The following KIF25 variants were observed in gnomAD, a reference collection of about 807,000 sequenced individuals.
KIF25 encodes the protein kinesin family member 25.
In KIF25, 19 loss-of-function variants were observed where a neutral mutation model predicts 32.9. The ratio of observed to expected loss-of-function variants is 0.58; its 90% confidence interval spans 0.40 to 0.85. KIF25 has a LOEUF of 0.85. Ranked by LOEUF, KIF25 falls within the 40% of genes least tolerant of loss-of-function variation. The pLI is 0.00. For missense variants in KIF25, 485 were observed against 507.0 expected (o/e 0.96, Z 0.42); for synonymous variants, 225 against 213.7 (o/e 1.05, Z -0.46).
chr6:168,008,564 T>C (rs987204804), intron 4 of KIF25, among the ~76,000 whole-genome samples: 4 of 152,220 alleles, frequency 2.6e-5, no homozygotes, highest in African/African-American at 9.6e-5. Context: ...TTGGAATCTT[T>C]TGTGGTTCCA....
intron 10 of KIF25, 103 bp downstream of exon 10, chr6:168,040,319 A>G: frequency 6.9e-6 from 8 of 1,159,682 alleles, no homozygotes; most frequent in Non-Finnish European, 9.4e-6. Context: ...TAATCCCAGC[A>G]CTTTGGGAGA....
chr6:168,044,227 C>T lies in KIF25; in HGVS notation c.986-600C>T, dbSNP rs980957215. ...TCCAGAGGGTGAGGGGTGCTAGTGACCGGCTGCTGACCCTCCCGGAGGGTG... is the reference window on the plus strand; with the variant it reads ...TCCAGAGGGTGAGGGGTGCTAGTGATCGGCTGCTGACCCTCCCGGAGGGTG... On this transcript the variant is annotated intron_variant, in intron 12 of 12. Coordinates refer to ENST00000643607, the MANE Select transcript of KIF25 (RefSeq NM_030615.4). 2.2e-5 allele frequency among the ~76,000 whole-genome samples: 3 copies of T among 138,920 alleles called. No individual in the cohort carries two copies. In the Admixed American group the frequency reaches 2.2e-4, roughly 10 times the overall value. 91.1% of individuals were successfully genotyped at this position (138,920 alleles called of 152,430 possible). A position where few individuals can be genotyped will look rare whatever the true frequency, so the allele number is the denominator to read the frequency against.
intron 7 of KIF25, among the ~76,000 whole-genome samples, chr6:168,033,639 C>A (rs1179569054): frequency 6.6e-6 from 1 of 152,108 alleles, no homozygotes; most frequent in Non-Finnish European, 1.5e-5. Context: ...GATGGATGAA[C>A]CCACGCTGTG....
intron 5 of KIF25, among the ~76,000 whole-genome samples, chr6:168,026,044 G>A (rs1184781872): frequency 6.6e-6 from 1 of 152,108 alleles, no homozygotes; most frequent in Non-Finnish European, 1.5e-5. Context: ...AGGACCTGAA[G>A]AGGAAGCTGC....
chr6:168,018,236 G>A (rs752872716), intron 5 of KIF25, among the ~76,000 whole-genome samples, 196 bp downstream of exon 5: 2 of 152,144 alleles, frequency 1.3e-5, no homozygotes, highest in Non-Finnish European at 2.9e-5. Context: ...TAGACACTAT[G>A]TCTCGAGTGC....
intron 4 of KIF25, among the ~76,000 whole-genome samples, chr6:168,010,933 T>G (rs1798639538): frequency 6.6e-6 from 1 of 152,156 alleles, no homozygotes; most frequent in African/African-American, 2.4e-5. Context: ...TACTCCTGAT[T>G]GCTTTTGGTT....
At chr6:167,999,906 GACCACACCTGACCCTCCCC>G (rs1798473392) in intron 2 of KIF25, among the ~76,000 whole-genome samples, 1 of 140,584 alleles carries the variant, frequency 7.1e-6, no homozygotes, top group Admixed American at 7.3e-5. Flanking sequence ...CTCCCATCCT[GACCACACCTGACCCTCCCC>G]ACTCCCATCC....
chr6:167,997,854 C>T lies in KIF25; in HGVS notation c.-1615C>T, dbSNP rs1583119150. Reference sequence around the variant, plus strand: ...CCAGTTTCTCCGAATTCCACCTGCCCGAGGCCCACGAAGCCAGTGTTCCTG... The same window carrying T: ...CCAGTTTCTCCGAATTCCACCTGCCTGAGGCCCACGAAGCCAGTGTTCCTG... On this transcript the variant is annotated 5_prime_UTR_variant, in exon 1 of 13. Transcript: ENST00000643607. Among the ~76,000 whole-genome samples the T allele has an allele frequency of 6.6e-6, 1 of 152,112 alleles. No homozygotes were observed. The highest frequency in any genetic ancestry group is 1.9e-4 in the East Asian group (1 of 5,202).
intron 4 of KIF25, among the ~76,000 whole-genome samples, chr6:168,017,076 C>T (rs227236): frequency 0.24 from 37,241 of 152,236 alleles, 5,061 homozygotes; most frequent in Non-Finnish European, 0.34. Context: ...CAGCTGCCCA[C>T]GACTGCCCGT....
intron 7 of KIF25, 33 bp downstream of exon 7, chr6:168,030,880 T>C: frequency 6.7e-7 from 1 of 1,493,568 alleles, no homozygotes; most frequent in East Asian, 2.3e-5. Flanking sequence ...CCAGTCATCA[T>C]AGTTACATTT....
intron 5 of KIF25, among the ~76,000 whole-genome samples, chr6:168,018,258 C>T (rs1247436424): frequency 6.6e-6 from 1 of 152,150 alleles, no homozygotes; most frequent in Non-Finnish European, 1.5e-5. Context: ...CATTACAACC[C>T]TTCTGGTTTT....
At chr6:168,008,100 G>A (rs931473480) in intron 4 of KIF25, among the ~76,000 whole-genome samples, 3 of 152,148 alleles carry the variant, frequency 2.0e-5, no homozygotes, top group African/African-American at 7.2e-5. Context: ...TATGGATTTG[G>A]CCTACCTTAT....
At chr6:168,005,402 G>A (rs1192400331) in intron 4 of KIF25, among the ~76,000 whole-genome samples, 1 of 152,208 alleles carries the variant, frequency 6.6e-6, no homozygotes, top group Non-Finnish European at 1.5e-5. Context: ...CTGCGGGGTT[G>A]GGCAGAGGCC....
intron 7 of KIF25, among the ~76,000 whole-genome samples, chr6:168,033,170 C>A (rs1003704843): frequency 6.6e-6 from 1 of 152,150 alleles, no homozygotes; most frequent in African/African-American, 2.4e-5. Flanking sequence ...ATGAACACCT[C>A]AAAGTCGCTT....
chr6:168,008,452 G>A (rs1232309819), intron 4 of KIF25, among the ~76,000 whole-genome samples: 2 of 152,158 alleles, frequency 1.3e-5, no homozygotes, highest in African/African-American at 4.8e-5. Context: ...TTCTATGCCA[G>A]TACCATGCTA....
chr6:168,020,858 C>G (rs1798778701), intron 5 of KIF25, among the ~76,000 whole-genome samples: 1 of 152,132 alleles, frequency 6.6e-6, no homozygotes, highest in South Asian at 2.1e-4. Context: ...TACCTGAATG[C>G]TAACATTAAT....
chr6:168,040,666 T>A (rs1018780467), intron 10 of KIF25, among the ~76,000 whole-genome samples: 2 of 152,024 alleles, frequency 1.3e-5, no homozygotes, highest in Non-Finnish European at 2.9e-5. Context: ...ACCTTTTCAG[T>A]ATCTGCATCC....
Position 168,044,839 on chromosome 6 carries a change from A to G in KIF25, c.998A>G (p.Lys333Arg). The G allele has an allele frequency of 6.3e-7, 1 of 1,587,754 alleles. No homozygotes were observed. Among genetic ancestry groups the G allele is most frequent in the Non-Finnish European group, 8.6e-7 (1 of 1,165,518 alleles). ...LLQDCLGGDA[K>R]LLVILCISPS... ...TTCTATTTTAAAGGAGGCGATGCGA[A>G]GTTACTGGTGATTCTCTGCATTTCT... is the stretch of plus-strand genomic sequence containing the variant. The change falls in exon 13 of 13, where the codon AAG becomes AGG. Residue 333 changes from lysine to arginine, a missense_variant. This residue lies in a region of KIF25 where 480 missense variants were observed against 470.3 expected (regional missense o/e 1.02). Coordinates refer to ENST00000643607, the MANE Select transcript of KIF25 (RefSeq NM_030615.4).
intron 2 of KIF25, among the ~76,000 whole-genome samples, chr6:168,000,245 C>G (rs1340713267): frequency 2.6e-5 from 3 of 115,656 alleles, no homozygotes; most frequent in African/African-American, 1.0e-4. Context: ...ACTCCCATCC[C>G]GACCACGCCT....
Sources: gnomAD v4.1 joint callset for allele counts (sites outside exome capture counted in the v4.1 genomes callset) on GRCh38, gnomAD v4.1.1 for gene constraint, gnomAD v4.1.1 regional missense constraint, MANE v1.5 for transcripts, NCBI Gene and HGNC (gene_info 2026-07-23, HGNC 2026-07-21) for gene names.